THTPA: variants seen among roughly 807,000 people sequenced by gnomAD.
THTPA encodes the protein thiamine triphosphatase.
A neutral mutation model predicts 16.5 loss-of-function variants in THTPA; 16 were observed. The observed-to-expected ratio is 0.97, with a 90% CI of 0.66 to 1.47. The LOEUF is 1.47. Among genes scored for constraint, THTPA ranks in the 40% most tolerant of loss-of-function variants. The pLI is 0.00. For missense variants in THTPA, 281 were observed against 280.9 expected, an observed-to-expected ratio of 1.00 and a Z score of 0.00; for synonymous variants, 110 against 115.5, an observed-to-expected ratio of 0.95 and a Z score of 0.30.
the THTPA span, chr14:23,529,246 A>T: frequency 6.3e-6 from 1 of 159,348 alleles, no homozygotes; most frequent in Non-Finnish European, 1.4e-5. Context: ...AGTGTGAATC[A>T]TTTGGTTGGT....
At chr14:23,532,996 T>TGG in the THTPA span, 1 of 1,536,116 alleles carries the variant, frequency 6.5e-7, no homozygotes, top group Non-Finnish European at 8.7e-7. Flanking sequence ...GGCTGTCGTC[T>TGG]GGGGGTGGTG....
At chr14:23,512,894 GA>G in the THTPA span, 2 of 151,692 alleles carry the variant, frequency 1.3e-5, no homozygotes, top group Admixed American at 1.3e-4. Context: ...GGGAGGAAAA[GA>G]GGGGGGTCTG....
At chr14:23,530,149 T>A in the THTPA span, 4 of 1,536,104 alleles carry the variant, frequency 2.6e-6, no homozygotes, top group Non-Finnish European at 3.5e-6. Flanking sequence ...CTGGGCATCT[T>A]TCTCAGGGGT....
the THTPA span, chr14:23,525,203 T>C: frequency 2.0e-6 from 3 of 1,536,106 alleles, no homozygotes; most frequent in Non-Finnish European, 2.6e-6. This position sits in a 1 kb window ranked among gnomAD's most constrained non-coding sequence, Gnocchi z 5.9. Flanking sequence ...GGAGCTTTCT[T>C]CCTCTTCTAT....
At chr14:23,522,520 C>T in the THTPA span, 1 of 1,528,466 alleles carries the variant, frequency 6.5e-7, no homozygotes. Context: ...TCTGAGGTAT[C>T]ATGGGGTTCA....
chr14:23,525,909 G>C, the THTPA span: 1 of 1,470,782 alleles, frequency 6.8e-7, no homozygotes, highest in Non-Finnish European at 9.0e-7. The surrounding 1 kb of genome is among the most constrained non-coding windows in gnomAD (Gnocchi z 5.9). Context: ...AAGGGGGGCA[G>C]GACTGGTGGG....
At chr14:23,525,287 A>C in the THTPA span, 26 of 1,535,926 alleles carry the variant, frequency 1.7e-5, no homozygotes, top group Middle Eastern at 1.7e-4. This position sits in a 1 kb window ranked among gnomAD's most constrained non-coding sequence, Gnocchi z 5.9. Flanking sequence ...TGGGACCAGG[A>C]AGGGTGGGCC....
the THTPA span, among the ~76,000 whole-genome samples, chr14:23,520,355 G>C: frequency 1.3e-5 from 2 of 150,842 alleles, no homozygotes; most frequent in Non-Finnish European, 3.0e-5. This position sits in a 1 kb window ranked among gnomAD's most constrained non-coding sequence, Gnocchi z 8.7. Context: ...AAAGGAGACT[G>C]GGGGGAAGGG....
the THTPA span, among the ~76,000 whole-genome samples, chr14:23,537,043 G>C: frequency 3.3e-4 from 50 of 152,264 alleles, no homozygotes; most frequent in African/African-American, 1.2e-3. Flanking sequence ...AGGAGGCTGA[G>C]GCAGGAGAAC....
At chr14:23,555,652 C>G (rs2138974742), upstream of THTPA, 1 of 152,288 alleles carries the variant, frequency 6.6e-6, no homozygotes, top group African/African-American at 2.4e-5. Context: ...CTAAACTGGA[C>G]TTTATTACGC....
the THTPA span, chr14:23,522,219 A>C: frequency 2.0e-6 from 3 of 1,478,530 alleles, no homozygotes; most frequent in South Asian, 4.1e-5. Flanking sequence ...GGCACCCGCA[A>C]TGGGGGTGGC....
At position 23,559,888 on chromosome 14, in the gene THTPA, C is replaced by G; in HGVS notation, c.*1048C>G. 6.2e-7 allele frequency: 1 copy of G among 1,611,490 alleles called. No homozygotes were observed. The highest frequency in any genetic ancestry group is 8.5e-7 in the Non-Finnish European group (1 of 1,177,934). On this transcript the variant is annotated 3_prime_UTR_variant, in exon 2 of 2. Transcript: ENST00000288014. ...GAGCAGGGACCAGGGTTAGCACCCACGGCTTCTTCTATCCCTGGGTCTTGT... is the reference window on the plus strand; with the variant it reads ...GAGCAGGGACCAGGGTTAGCACCCAGGGCTTCTTCTATCCCTGGGTCTTGT...
chr14:23,552,510 C>T (rs192208851), upstream of THTPA, among the ~76,000 whole-genome samples: 1 of 152,202 alleles, frequency 6.6e-6, no homozygotes, highest in East Asian at 1.9e-4. Flanking sequence ...TCAAGCTGGT[C>T]TCGAACTCCT....
the THTPA span, among the ~76,000 whole-genome samples, chr14:23,537,011 A>T: frequency 1.3e-5 from 2 of 152,060 alleles, no homozygotes; most frequent in African/African-American, 4.8e-5. Flanking sequence ...GTGGTGGTGC[A>T]TGCCTGTAAT....
the THTPA span, chr14:23,521,521 T>G: frequency 1.3e-5 from 2 of 157,016 alleles, no homozygotes; most frequent in African/African-American, 2.4e-5. Flanking sequence ...TTTTCAAAAT[T>G]TTTTGGTGTT....
chr14:23,535,130 C>T, the THTPA span: 1 of 1,536,132 alleles, frequency 6.5e-7, no homozygotes, highest in Non-Finnish European at 8.7e-7. This position sits in a 1 kb window ranked among gnomAD's most constrained non-coding sequence, Gnocchi z 4.5. Context: ...GGGACGAGGC[C>T]ACAGCCCGAC....
At chr14:23,531,794 T>TC in the THTPA span, 1 of 1,265,632 alleles carries the variant, frequency 7.9e-7, no homozygotes, top group Non-Finnish European at 1.0e-6. Context: ...TTTTTTTTTT[T>TC]CTAGAGAGAG....
the THTPA span, chr14:23,514,661 G>A: frequency 1.2e-4 from 19 of 152,164 alleles, no homozygotes; most frequent in African/African-American, 4.6e-4. Context: ...ATGCTGCCAC[G>A]TTTGGCAGTG....
the THTPA span, among the ~76,000 whole-genome samples, chr14:23,540,537 G>A: frequency 3.9e-5 from 6 of 152,208 alleles, no homozygotes; most frequent in African/African-American, 1.4e-4. Flanking sequence ...CCCTAGTATG[G>A]AGGATTGTTT....
Sources: gnomAD v4.1 joint callset for allele counts (sites outside exome capture counted in the v4.1 genomes callset) on GRCh38, gnomAD v4.1.1 for gene constraint, Gnocchi (gnomAD v3.1) non-coding constraint, MANE v1.5 for transcripts, NCBI Gene and HGNC (gene_info 2026-07-23, HGNC 2026-07-21) for gene names.